Variants in KIF26B observed in about 807,000 individuals in gnomAD.
KIF26B encodes kinesin-like protein KIF26B.
Under a neutral mutation model 151.2 loss-of-function variants are expected in KIF26B, and 63 were observed. The ratio of observed to expected loss-of-function variants is 0.42; its 90% CI spans 0.34 to 0.51. The LOEUF is 0.51. Among genes scored for constraint, KIF26B ranks in the 20% least tolerant of loss-of-function variants. KIF26B has a pLI of 0.07. For missense variants in KIF26B, 2,813 were observed against 2,913.6 expected, an observed-to-expected ratio of 0.97 and a Z score of 0.79; for synonymous variants, 1,357 against 1,262.1, an observed-to-expected ratio of 1.08 and a Z score of -1.59.
rs145584574 is a variant in KIF26B at position 245,376,000 on chromosome 1, C to T, written c.999+8633C>T. ...AATCATAATAAGTAGCACACCACAG[C>T]GACTCTCCATTGGTAGCTAGTCATT... On this transcript the variant is annotated intron_variant, in intron 3 of 14. Transcript: ENST00000407071. The surrounding 1 kb of genome is among the most constrained non-coding windows in gnomAD (Gnocchi z 4.2). Among the ~76,000 whole-genome samples, 2 of 152,198 alleles carry T rather than the reference C, an allele frequency of 1.3e-5. No homozygotes were observed. Among genetic ancestry groups the T allele is most frequent in the East Asian group, 1.9e-4 (1 of 5,168 alleles).
Position 245,563,619 on chromosome 1 carries a change from C to T in KIF26B, c.1350+22669C>T, listed in dbSNP as rs1476677164. Among the ~76,000 whole-genome samples the T allele has an allele frequency of 2.0e-5, 3 of 152,166 alleles. No homozygotes were observed. In the East Asian group the frequency reaches 5.8e-4, roughly 29 times the overall value. ...CCACCTATGAAGCAGCCAGTGGCCT[C>T]GGGAGTGGGGCTGCTTGAGACTGTG... On this transcript the variant is annotated intron_variant, in intron 5 of 14. Coordinates refer to ENST00000407071, the MANE Select transcript of KIF26B (RefSeq NM_018012.4). This position sits in a 1 kb window ranked among gnomAD's most constrained non-coding sequence, Gnocchi z 4.6.
At chr1:245,692,450 G>C (rs1427706981) in intron 12 of KIF26B, among the ~76,000 whole-genome samples, 1 of 152,166 alleles carries the variant, frequency 6.6e-6, no homozygotes, top group African/African-American at 2.4e-5. Context: ...CCGGGAGGGT[G>C]CTTACATCGG....
intron 2 of KIF26B, among the ~76,000 whole-genome samples, chr1:245,242,239 C>G (rs547194791): frequency 1.4e-4 from 21 of 152,314 alleles, no homozygotes; most frequent in East Asian, 5.8e-4. Flanking sequence ...CCTTCCCCCC[C>G]CAAAATAGGG....
intron 4 of KIF26B, among the ~76,000 whole-genome samples, chr1:245,432,480 A>G (rs1420382869): frequency 6.6e-6 from 1 of 152,168 alleles, no homozygotes; most frequent in East Asian, 1.9e-4. Context: ...AAAACAGAGA[A>G]AAGAGTTATT....
Position 245,517,155 on chromosome 1 carries a change from G to A in KIF26B, c.1167-23612G>A, listed in dbSNP as rs1381850889. Among the ~76,000 whole-genome samples, 5 of 152,150 alleles carry A rather than the reference G, an allele frequency of 3.3e-5. No homozygotes were observed. The East Asian group carries it at 7.7e-4, about 23-fold the overall frequency. The stretch of plus-strand genomic sequence containing the variant: ...GCAGATCACTTGAGGTCAGGAGTTC[G>A]AGACCAGCCTGGTCAACATGGCGAA... On this transcript the variant is annotated intron_variant, in intron 4 of 14. Transcript: ENST00000407071.
At chr1:245,692,467 C>A (rs2044638289) in intron 12 of KIF26B, among the ~76,000 whole-genome samples, 1 of 151,984 alleles carries the variant, frequency 6.6e-6, no homozygotes, top group Admixed American at 6.6e-5. Context: ...TCGGGACAGG[C>A]AGAGAGGGCG....
At chr1:245,359,319 C>A (rs1156336681) in intron 2 of KIF26B, among the ~76,000 whole-genome samples, 2 of 152,120 alleles carry the variant, frequency 1.3e-5, no homozygotes, top group East Asian at 1.9e-4. Flanking sequence ...GCGTCCAGGC[C>A]AGGTTTCTCT....
rs1661597141 is a variant in KIF26B at position 245,540,723 on chromosome 1, A to G, written c.1167-44A>G. ...AAACGAAGTAAGCCTAGCAGATCTG[A>G]TCGTACAATCATTTTCCCCTTATTG... On this transcript the variant is annotated intron_variant, in intron 4 of 14. Coordinates refer to ENST00000407071, the MANE Select transcript of KIF26B (RefSeq NM_018012.4). The surrounding 1 kb of genome is among the most constrained non-coding windows in gnomAD (Gnocchi z 4.6). The G allele has an allele frequency of 6.5e-7, 1 of 1,544,146 alleles. No individual in the cohort carries two copies. Among genetic ancestry groups the G allele is most frequent in the African/African-American group, 1.4e-5 (1 of 73,514 alleles).
intron 2 of KIF26B, among the ~76,000 whole-genome samples, chr1:245,184,477 T>G (rs1482982270): frequency 1.3e-5 from 2 of 152,288 alleles, no homozygotes; most frequent in South Asian, 4.1e-4. Flanking sequence ...TACACAAATG[T>G]GTCTTTATAA....
intron 2 of KIF26B, among the ~76,000 whole-genome samples, chr1:245,172,216 TG>T (rs150694892): frequency 0.012 from 1,804 of 151,406 alleles, 10 homozygotes; most frequent in Middle Eastern, 0.031. Context: ...CCCAGTCTGG[TG>T]GGGGGGGTGG....
chr1:245,387,711 T>C (rs1218516836), intron 3 of KIF26B, among the ~76,000 whole-genome samples: 1 of 151,804 alleles, frequency 6.6e-6, no homozygotes, highest in African/African-American at 2.4e-5. Context: ...CGCAACAAAC[T>C]AAAAAAAATC....
At chr1:245,669,104 C>G (rs78461995) in intron 10 of KIF26B, among the ~76,000 whole-genome samples, 9,950 of 152,166 alleles carry the variant, frequency 0.065, 980 homozygotes, top group African/African-American at 0.21. Context: ...ATTTGTTCCT[C>G]GACAATACAC....
At chr1:245,169,620 G>A (rs1257113177) in intron 2 of KIF26B, among the ~76,000 whole-genome samples, 1 of 152,062 alleles carries the variant, frequency 6.6e-6, no homozygotes, top group Non-Finnish European at 1.5e-5. Flanking sequence ...TGCAGCCGGG[G>A]TGGTAAATGC....
intron 2 of KIF26B, among the ~76,000 whole-genome samples, chr1:245,360,171 G>A (rs1261476664): frequency 6.6e-6 from 1 of 151,976 alleles, no homozygotes; most frequent in African/African-American, 2.4e-5. Flanking sequence ...CTGCACCCGG[G>A]CTGATTTAAG....
chr1:245,408,010 T>C (rs1674178038), intron 3 of KIF26B, among the ~76,000 whole-genome samples: 1 of 152,176 alleles, frequency 6.6e-6, no homozygotes, highest in Non-Finnish European at 1.5e-5. Context: ...TGGCTCTTGG[T>C]TGACTATTTG....
intron 2 of KIF26B, among the ~76,000 whole-genome samples, chr1:245,157,616 G>T (rs567911500): frequency 6.6e-6 from 1 of 152,200 alleles, no homozygotes; most frequent in Non-Finnish European, 1.5e-5. Flanking sequence ...TCATAGGCAA[G>T]GGTTAAATTC....
At chr1:245,681,249 G>A (rs1443223562) in intron 10 of KIF26B, among the ~76,000 whole-genome samples, 5 of 144,260 alleles carry the variant, frequency 3.5e-5, no homozygotes, top group South Asian at 2.2e-4. Flanking sequence ...TCGCTCTGTC[G>A]CCCAGGCTGA....
At chr1:245,192,480 G>A (rs1302689602) in intron 2 of KIF26B, among the ~76,000 whole-genome samples, 1 of 152,090 alleles carries the variant, frequency 6.6e-6, no homozygotes, top group Non-Finnish European at 1.5e-5. Context: ...GAGATATTTT[G>A]TAAAAATTTG....
chr1:245,649,845 CT>C (rs1235879793), intron 10 of KIF26B, among the ~76,000 whole-genome samples: 4 of 152,214 alleles, frequency 2.6e-5, no homozygotes, highest in African/African-American at 9.6e-5. Flanking sequence ...TCTTACCAGG[CT>C]ATTTGTCATG....
Sources: allele counts gnomAD v4.1 joint callset (sites outside exome capture counted in the v4.1 genomes callset), GRCh38; gene constraint gnomAD v4.1.1; non-coding constraint Gnocchi (gnomAD v3.1); transcripts MANE v1.5; gene names NCBI Gene and HGNC (gene_info 2026-07-23, HGNC 2026-07-21).